DDX50: variants seen among roughly 807,000 people sequenced by gnomAD.
DDX50 encodes DExD-box helicase 50.
A neutral mutation model predicts 94.8 loss-of-function variants in DDX50; 56 were observed. The ratio of observed to expected loss-of-function variants is 0.59; its 90% CI spans 0.48 to 0.74. The LOEUF is 0.74. Ranked by LOEUF, DDX50 falls within the 30% of genes least tolerant of loss-of-function variation. The pLI is 0.00. For missense variants in DDX50, 713 were observed against 881.2 expected, an observed-to-expected ratio of 0.81 and a Z score of 2.42; for synonymous variants, 264 against 295.4, an observed-to-expected ratio of 0.89 and a Z score of 1.09.
intron 8 of DDX50, among the ~76,000 whole-genome samples, chr10:68,930,713 GTGGCACAA>G (rs1450549228): frequency 5.9e-5 from 9 of 152,184 alleles, no homozygotes; most frequent in Non-Finnish European, 1.5e-5. Context: ...CTGGAGTACA[GTGGCACAA>G]TGGCTTATTG....
intron 1 of DDX50, among the ~76,000 whole-genome samples, chr10:68,903,812 C>T (rs1051271613): frequency 1.3e-5 from 2 of 148,274 alleles, no homozygotes; most frequent in Non-Finnish European, 3.0e-5. Flanking sequence ...AAAAAAAACC[C>T]AAAAAACCCA....
rs1842400276 is a variant in DDX50, at chr10:68,936,094, C to CT, written c.1595+17dup. The CT allele has an allele frequency of 6.3e-7, 1 of 1,592,140 alleles. No homozygotes were observed. Among genetic ancestry groups the CT allele is most frequent in the Admixed American group, 1.8e-5 (1 of 56,412 alleles). ...GATGCCATCAGGTATGCTTTCTGAACTTGCTGAATAATTGTTTCTTTTGTA... is the reference window on the plus strand; with the variant it reads ...GATGCCATCAGGTATGCTTTCTGAACTTTGCTGAATAATTGTTTCTTTTGTA... On this transcript the variant is annotated intron_variant, in intron 11 of 14. Coordinates refer to ENST00000373585, the MANE Select transcript of DDX50 (RefSeq NM_024045.2).
intron 14 of DDX50, among the ~76,000 whole-genome samples, chr10:68,945,295 G>A (rs1289073950): frequency 7.0e-6 from 1 of 143,644 alleles, no homozygotes; most frequent in Non-Finnish European, 1.5e-5. Context: ...GCAACAGGGT[G>A]TCTTAATAAC....
At chr10:68,912,182 T>C (rs1459445011) in intron 4 of DDX50, among the ~76,000 whole-genome samples, 1 of 152,106 alleles carries the variant, frequency 6.6e-6, no homozygotes, top group East Asian at 1.9e-4. Flanking sequence ...TAGGATATAA[T>C]CTCAACACTG....
intron 11 of DDX50, among the ~76,000 whole-genome samples, chr10:68,936,536 AT>A: frequency 3.2e-5 from 4 of 123,554 alleles, no homozygotes; most frequent in Admixed American, 8.9e-5. Flanking sequence ...ATATATATAT[AT>A]ATATATATAT....
intron 8 of DDX50, among the ~76,000 whole-genome samples, chr10:68,922,501 A>C (rs1841967931): frequency 1.3e-5 from 2 of 152,066 alleles, no homozygotes; most frequent in Non-Finnish European, 1.5e-5. Flanking sequence ...ACAGCATTAA[A>C]ATTTTTTCTT....
intron 8 of DDX50, among the ~76,000 whole-genome samples, chr10:68,920,862 G>A (rs186415558): frequency 3.3e-5 from 5 of 149,590 alleles, no homozygotes; most frequent in African/African-American, 7.4e-5. Flanking sequence ...GGAGAATTGC[G>A]TGAACCCAGG....
At chr10:68,929,296 TCTC>T (rs1842178226) in intron 8 of DDX50, among the ~76,000 whole-genome samples, 1 of 66,136 alleles carries the variant, frequency 1.5e-5, no homozygotes, top group African/African-American at 8.3e-5. Flanking sequence ...TTCCTTCCTC[TCTC>T]TCTCTCTCTC....
At chr10:68,905,796 C>G (rs1329871436) in intron 1 of DDX50, among the ~76,000 whole-genome samples, 1 of 152,184 alleles carries the variant, frequency 6.6e-6, no homozygotes, top group Non-Finnish European at 1.5e-5. Context: ...GCCTGTAGTC[C>G]CAGCTACTTG....
intron 1 of DDX50, among the ~76,000 whole-genome samples, chr10:68,904,176 T>C (rs1841376266): frequency 6.6e-6 from 1 of 150,744 alleles, no homozygotes; most frequent in Non-Finnish European, 1.5e-5. Flanking sequence ...CCAGCCGTTG[T>C]AGCTCGTGCC....
In DDX50 at chr10:68,911,050, T is replaced by C; in HGVS notation, c.461-18T>C. The stretch of plus-strand genomic sequence containing the variant: ...TGCTAGTCGTAAAGAAGTATTTTAA[T>C]TAAATCTCATTTTACAGGTCGAGGG... On this transcript the variant is annotated intron_variant, in intron 3 of 14. Transcript: ENST00000373585. 6.9e-7 allele frequency: 1 copy of C among 1,459,340 alleles called. No individual in the cohort carries two copies. The highest frequency in any genetic ancestry group is 1.6e-5 in the South Asian group (1 of 63,712). The allele number at this position is 1,459,340 out of a possible 1,614,324, so 90.4% of individuals were successfully genotyped here. A position where few individuals can be genotyped will look rare whatever the true frequency, so the allele number is the denominator to read the frequency against.
intron 1 of DDX50, among the ~76,000 whole-genome samples, chr10:68,903,547 T>C (rs1287103517): frequency 6.6e-6 from 1 of 151,944 alleles, no homozygotes; most frequent in Non-Finnish European, 1.5e-5. Context: ...ACGTCTGTAA[T>C]GCCGGCATTT....
intron 12 of DDX50, 118 bp from the exon 13 acceptor site, chr10:68,940,942 T>C (rs1842539709): frequency 1.6e-5 from 22 of 1,359,370 alleles, no homozygotes; most frequent in Non-Finnish European, 2.2e-5. Flanking sequence ...TTAGCTGCAA[T>C]GTTATACTTT....
chr10:68,920,108 G>A, intron 8 of DDX50, 127 bp downstream of exon 8: 1 of 1,121,752 alleles, frequency 8.9e-7, no homozygotes, highest in Non-Finnish European at 1.3e-6. Flanking sequence ...GGCTGGGCAT[G>A]GTGGCCCACA....
At chr10:68,920,797 T>A (rs1203227706) in intron 8 of DDX50, among the ~76,000 whole-genome samples, 1 of 151,542 alleles carries the variant, frequency 6.6e-6, no homozygotes, top group Non-Finnish European at 1.5e-5. Flanking sequence ...AATATAAAAA[T>A]TAGCCGGTGT....
At chr10:68,912,983 G>A (rs1177055637) in intron 4 of DDX50, among the ~76,000 whole-genome samples, 179 bp from the exon 5 acceptor site, 1 of 152,172 alleles carries the variant, frequency 6.6e-6, no homozygotes, top group Non-Finnish European at 1.5e-5. Flanking sequence ...AAGGAAGTAA[G>A]GGGGGAATGT....
intron 7 of DDX50, among the ~76,000 whole-genome samples, chr10:68,915,092 A>T (rs1210854615): frequency 4.7e-5 from 7 of 150,502 alleles, no homozygotes; most frequent in African/African-American, 1.7e-4. Context: ...TTTTGACTCC[A>T]TGAAAGTTAA....
At chr10:68,919,745 T>A (rs1841894202) in intron 7 of DDX50, 87 bp from the exon 8 acceptor site, 1 of 1,530,636 alleles carries the variant, frequency 6.5e-7, no homozygotes. Flanking sequence ...GAAGGCTAAT[T>A]CTTGACCAGA....
At chr10:68,901,881 T>G (rs1841297217) in intron 1 of DDX50, among the ~76,000 whole-genome samples, 1 of 152,174 alleles carries the variant, frequency 6.6e-6, no homozygotes, top group African/African-American at 2.4e-5. Flanking sequence ...CCCCGTCCCC[T>G]GTGCAAGAAT....
Sources: gnomAD v4.1 joint callset for allele counts (sites outside exome capture counted in the v4.1 genomes callset) on GRCh38, gnomAD v4.1.1 for gene constraint, MANE v1.5 for transcripts, NCBI Gene and HGNC (gene_info 2026-07-23, HGNC 2026-07-21) for gene names.